Variants in SDK2 observed in about 807,000 individuals in gnomAD.
SDK2 encodes the protein protein sidekick-2.
SDK2 carries 105 observed loss-of-function variants against 253.9 expected under a neutral mutation model. That is an observed-to-expected ratio of 0.41 (90% CI 0.35 to 0.49). The LOEUF (loss-of-function observed/expected upper bound fraction) is 0.49. Among genes scored for constraint, SDK2 ranks in the 20% least tolerant of loss-of-function variants. SDK2 has a pLI of 0.06. For synonymous variants in SDK2, 1,249 were observed against 1,234.9 expected (o/e 1.01, Z -0.24); for missense variants, 2,608 against 3,003.0 (o/e 0.87, Z 3.07).
intron 36 of SDK2, among the ~76,000 whole-genome samples, chr17:73,370,015 T>C (rs540953959): frequency 1.3e-4 from 20 of 152,252 alleles, no homozygotes; most frequent in African/African-American, 4.8e-4. Context: ...GCCATCCAGA[T>C]AGCGGCCAGC....
intron 3 of SDK2, among the ~76,000 whole-genome samples, chr17:73,469,508 C>T (rs971965191): frequency 6.6e-6 from 1 of 152,238 alleles, no homozygotes; most frequent in Non-Finnish European, 1.5e-5. Flanking sequence ...CCCTTCTCTG[C>T]AGCACCTAGG....
chr17:73,503,787 G>C (rs1393920553), intron 2 of SDK2, among the ~76,000 whole-genome samples: 1 of 152,228 alleles, frequency 6.6e-6, no homozygotes. Context: ...GCTCCATGCT[G>C]TTGCCCACCA....
Position 73,336,686 on chromosome 17 carries a change from T to C in SDK2, c.*1901A>G, listed in dbSNP as rs2062381506. On this transcript the variant is annotated 3_prime_UTR_variant, in exon 45 of 45. Transcript: ENST00000392650. ...CCAGGCTCTCTCTTACCTTGGCATG[T>C]TTCCCAAATCTCCTACTTGGGCTTC... The C allele has an allele frequency of 6.5e-6, 1 of 152,800 alleles. No individual in the cohort carries two copies. 9.5% of individuals were successfully genotyped at this position (152,800 alleles called of 1,614,324 possible). A position where few individuals can be genotyped will look rare whatever the true frequency, so the allele number is the denominator to read the frequency against.
At chr17:73,640,707 C>A (rs2046388140) in intron 1 of SDK2, among the ~76,000 whole-genome samples, 1 of 152,230 alleles carries the variant, frequency 6.6e-6, no homozygotes, top group South Asian at 2.1e-4. Context: ...GCTCCCAGCA[C>A]TAAACTTTCT....
At chr17:73,641,936 A>G (rs1508048) in intron 1 of SDK2, among the ~76,000 whole-genome samples, 150,913 of 152,242 alleles carry the variant, frequency 0.99, 74,800 homozygotes, top group East Asian at 1. Flanking sequence ...GGACACACAC[A>G]GCAGGAGAGG....
At chr17:73,554,209 T>C (rs1567839858) in intron 1 of SDK2, among the ~76,000 whole-genome samples, 1 of 152,140 alleles carries the variant, frequency 6.6e-6, no homozygotes, top group Non-Finnish European at 1.5e-5. Context: ...CTTTGCGCAA[T>C]GCCAGGCACA....
At chr17:73,592,658 CGGG>C (rs2045699389) in intron 1 of SDK2, among the ~76,000 whole-genome samples, 1 of 152,118 alleles carries the variant, frequency 6.6e-6, no homozygotes, top group Non-Finnish European at 1.5e-5. Flanking sequence ...AAGAGAGGGC[CGGG>C]GAAGCGCGAG....
chr17:73,495,993 A>G (rs958951289), intron 2 of SDK2, among the ~76,000 whole-genome samples: 1 of 152,214 alleles, frequency 6.6e-6, no homozygotes, highest in Non-Finnish European at 1.5e-5. Flanking sequence ...CTCATGGCCA[A>G]ATTGGAGTAA....
chr17:73,454,697 G>A (rs1487993406), intron 4 of SDK2, among the ~76,000 whole-genome samples: 1 of 152,118 alleles, frequency 6.6e-6, no homozygotes, highest in Non-Finnish European at 1.5e-5. Flanking sequence ...TTATGATGAT[G>A]GTGATATTAT....
chr17:73,619,320 A>G (rs2046100035), intron 1 of SDK2, among the ~76,000 whole-genome samples: 1 of 152,212 alleles, frequency 6.6e-6, no homozygotes, highest in Non-Finnish European at 1.5e-5. Flanking sequence ...TGAAGTCAGC[A>G]CAGCACAGAC....
chr17:73,472,578 A>AT (rs199949835), intron 2 of SDK2, among the ~76,000 whole-genome samples: 4 of 151,118 alleles, frequency 2.6e-5, no homozygotes, highest in Non-Finnish European at 3.0e-5. Context: ...AGGTGGGGGC[A>AT]TTTTTTTTTG....
chr17:73,540,388 G>A (rs1034570074), intron 1 of SDK2, among the ~76,000 whole-genome samples: 3 of 152,110 alleles, frequency 2.0e-5, no homozygotes, highest in Non-Finnish European at 4.4e-5. Flanking sequence ...CACACACACA[G>A]TCCCCAATAT....
At chr17:73,385,956 A>C in intron 31 of SDK2, 39 bp from the exon 32 acceptor site, 1 of 1,482,142 alleles carries the variant, frequency 6.7e-7, no homozygotes, top group Admixed American at 2.0e-5. Flanking sequence ...TGGGGGCCGC[A>C]GCTTCAAGTT....
intron 16 of SDK2, 51 bp downstream of exon 16, chr17:73,419,115 C>G (rs1247575053): frequency 1.3e-6 from 2 of 1,591,064 alleles, no homozygotes; most frequent in Non-Finnish European, 1.7e-6. Context: ...CGATCTTCCC[C>G]CATGCCTTTC....
rs536792012 is a variant in SDK2 at position 73,433,811 on chromosome 17, G to C, written c.1233C>G (p.Ser411Arg). 1.3e-6 allele frequency: 2 copies of C among 1,598,098 alleles called. No individual in the cohort carries two copies. Among genetic ancestry groups the C allele is most frequent in the South Asian group, 2.3e-5 (2 of 87,310 alleles). The change falls in exon 10 of 45, where the codon AGC becomes AGG. Residue 411 changes from serine (S) to arginine (R), a missense_variant. Ser to Arg is a moderately radical substitution (Grantham distance 110). Coordinates refer to ENST00000392650, the MANE Select transcript of SDK2 (RefSeq NM_001144952.2). ...CCACTGACATGCCATCGATCACCGT[G>C]CTGTCCAGGGGGCCTCTGGTGATGT... is the stretch of plus-strand genomic sequence containing the variant. ...APNITRGPLDSTVIDGMSVVL... is the reference protein window; with the variant it reads ...APNITRGPLDRTVIDGMSVVL...
chr17:73,372,585 T>G lies in SDK2; in HGVS notation c.4981-3992A>C, dbSNP rs140792474. Among the ~76,000 whole-genome samples, 1,035 of 151,862 alleles carry G rather than the reference T, an allele frequency of 6.8e-3. 15 individuals carry two copies. Among genetic ancestry groups the G allele is most frequent in the African/African-American group, 0.024 (988 of 41,416 alleles). ...TTGAGGTATAATTGACAATCTAAGA[T>G]CTATATATAGCCGGGCATGGTGGTG... On this transcript the variant is annotated intron_variant, in intron 36 of 44. Transcript: ENST00000392650.
At chr17:73,353,697 C>A (rs934110555) in intron 40 of SDK2, among the ~76,000 whole-genome samples, 2 of 111,834 alleles carry the variant, frequency 1.8e-5, no homozygotes, top group South Asian at 3.3e-4. Flanking sequence ...CTGTGCCTGG[C>A]CAATTTTTTT....
chr17:73,510,303 G>A (rs542798394), intron 1 of SDK2, among the ~76,000 whole-genome samples: 1 of 152,300 alleles, frequency 6.6e-6, no homozygotes, highest in South Asian at 2.1e-4. Flanking sequence ...CCACAGGCCT[G>A]AGGGCTCAAT....
chr17:73,511,937 G>C lies in SDK2; in HGVS notation c.65-4340C>G, dbSNP rs1391706072. On this transcript the variant is annotated intron_variant, in intron 1 of 44. Transcript: ENST00000392650. The surrounding 1 kb of genome is among the most constrained non-coding windows in gnomAD (Gnocchi z 4.9). ...GGTGTGTGTGTGTGCAGGTGTGTCT[G>C]CATGTATGTCCATGTGTGGACATTC... is the stretch of plus-strand genomic sequence containing the variant. Among the ~76,000 whole-genome samples, 1 of 152,132 alleles carries C rather than the reference G, an allele frequency of 6.6e-6. No homozygotes were observed. The highest frequency in any genetic ancestry group is 1.5e-5 in the Non-Finnish European group (1 of 68,024).
Sources: allele counts gnomAD v4.1 joint callset (sites outside exome capture counted in the v4.1 genomes callset), GRCh38; gene constraint gnomAD v4.1.1; non-coding constraint Gnocchi (gnomAD v3.1); transcripts MANE v1.5; gene names NCBI Gene and HGNC (gene_info 2026-07-23, HGNC 2026-07-21).